The following TMTC2 variants were observed in gnomAD, a reference collection of about 807,000 sequenced individuals.
TMTC2 encodes the protein protein O-mannosyl-transferase TMTC2.
TMTC2 carries 43 observed loss-of-function variants against 82.4 expected under a neutral mutation model. The observed-to-expected ratio is 0.52, with a 90% CI of 0.41 to 0.67. The LOEUF (loss-of-function observed/expected upper bound fraction) is 0.67. Among genes scored for constraint, TMTC2 ranks in the 30% least tolerant of loss-of-function variants. The pLI, the probability that TMTC2 is intolerant of heterozygous loss-of-function variation, is 0.00. For missense variants in TMTC2, 919 were observed against 1,012.4 expected (o/e 0.91, Z 1.25); for synonymous variants, 408 against 381.9 (o/e 1.07, Z -0.80).
intron 3 of TMTC2, among the ~76,000 whole-genome samples, chr12:82,913,573 C>T (rs1240956162): frequency 6.6e-6 from 1 of 152,116 alleles, no homozygotes; most frequent in East Asian, 1.9e-4. Context: ...TAAGACCACA[C>T]ATCTAGTCAT....
intron 1 of TMTC2, among the ~76,000 whole-genome samples, chr12:82,855,535 G>A (rs1007547278): frequency 1.3e-5 from 2 of 152,108 alleles, no homozygotes; most frequent in African/African-American, 4.8e-5. Context: ...CTAGGCAAGA[G>A]TTTTATAGTT....
At chr12:82,975,656 T>C (rs997595837) in intron 7 of TMTC2, among the ~76,000 whole-genome samples, 4 of 152,162 alleles carry the variant, frequency 2.6e-5, no homozygotes, top group Non-Finnish European at 5.9e-5. Context: ...ATTCATTGCC[T>C]ATTATGGAGA....
At chr12:82,967,506 G>A (rs573023967) in intron 7 of TMTC2, among the ~76,000 whole-genome samples, 1 of 152,152 alleles carries the variant, frequency 6.6e-6, no homozygotes, top group African/African-American at 2.4e-5. Context: ...CAGAAAGTAT[G>A]TAAGTCTAGG....
At chr12:82,927,554 G>A (rs183640563) in intron 3 of TMTC2, among the ~76,000 whole-genome samples, 5 of 152,276 alleles carry the variant, frequency 3.3e-5, no homozygotes, top group Admixed American at 3.3e-4. Flanking sequence ...GGGTTTGAAA[G>A]GATTGAGACT....
rs1885384704 is a variant in TMTC2, at chr12:83,134,822, A to G, written c.*2433A>G. The stretch of plus-strand genomic sequence containing the variant: ...TGTAGAAATAATTGTTTTATGTGCC[A>G]GAGAATTTCAATTTTGTTTTCAACA... On this transcript the variant is annotated 3_prime_UTR_variant, in exon 12 of 12. Coordinates refer to ENST00000321196, the MANE Select transcript of TMTC2 (RefSeq NM_152588.3). The G allele has an allele frequency of 2.0e-5, 3 of 152,328 alleles. No individual in the cohort carries two copies. The highest frequency in any genetic ancestry group is 7.2e-5 in the African/African-American group (3 of 41,588). The allele number at this position is 152,328 out of a possible 1,614,324, so 9.4% of individuals were successfully genotyped here.
At chr12:83,034,287 T>TA (rs1257371843) in intron 9 of TMTC2, among the ~76,000 whole-genome samples, 7 of 152,108 alleles carry the variant, frequency 4.6e-5, no homozygotes, top group Non-Finnish European at 7.3e-5. Context: ...TTAATCCAAC[T>TA]ATTAAAGGGC....
intron 11 of TMTC2, among the ~76,000 whole-genome samples, chr12:83,120,227 GT>G (rs1884905479): frequency 6.6e-6 from 1 of 152,074 alleles, no homozygotes; most frequent in Admixed American, 6.6e-5. Flanking sequence ...TGTTTAACTT[GT>G]ATTTTTGTTT....
chr12:82,933,190 T>G (rs1160566343), intron 4 of TMTC2, among the ~76,000 whole-genome samples: 1 of 152,188 alleles, frequency 6.6e-6, no homozygotes, highest in East Asian at 1.9e-4. Flanking sequence ...CCACAAGAAA[T>G]ATTGGCAATG....
rs567532594 is a variant in TMTC2 at position 82,921,855 on chromosome 12, T to C, written c.1484-8576T>C. Among the ~76,000 whole-genome samples, 11 of 152,028 alleles carry C rather than the reference T, an allele frequency of 7.2e-5. No homozygotes were observed. The South Asian group carries it at 2.3e-3, about 32-fold the overall frequency. On this transcript the variant is annotated intron_variant, in intron 3 of 11. Transcript: ENST00000321196. ...ACTCATTCCTGTAATCCCAGCACTT[T>C]GCAAGATCAAGGTGGGAGGATCGCT... is the stretch of plus-strand genomic sequence containing the variant.
Position 83,128,407 on chromosome 12 carries a change from TA to T in TMTC2, c.2332-3792del, listed in dbSNP as rs748054194. 1.6e-3 allele frequency among the ~76,000 whole-genome samples: 229 copies of T among 146,278 alleles called. 1 individual carries two copies. The highest frequency in any genetic ancestry group is 4.3e-3 in the African/African-American group (171 of 40,076). ...CATTTAGTCATTTATGGCTTCTGCT[TA>T]AAAAAAAAAAGATTATTTGAACATT... On this transcript the variant is annotated intron_variant, in intron 11 of 11. Coordinates refer to ENST00000321196, the MANE Select transcript of TMTC2 (RefSeq NM_152588.3).
chr12:82,730,717 A>T (rs1018079698), intron 1 of TMTC2, among the ~76,000 whole-genome samples: 17 of 152,216 alleles, frequency 1.1e-4, no homozygotes, highest in African/African-American at 4.1e-4. Flanking sequence ...AATAGGTTTG[A>T]TGGAGCCATC....
intron 9 of TMTC2, among the ~76,000 whole-genome samples, chr12:83,034,778 G>C (rs1164961309): frequency 6.6e-6 from 1 of 152,086 alleles, no homozygotes; most frequent in Non-Finnish European, 1.5e-5. Context: ...AATGTATATT[G>C]AGCTCAGTTA....
At chr12:82,867,941 G>A (rs1270376115) in intron 2 of TMTC2, among the ~76,000 whole-genome samples, 1 of 152,108 alleles carries the variant, frequency 6.6e-6, no homozygotes, top group East Asian at 1.9e-4. Context: ...AAGTCTATCG[G>A]GGAAAGGCCA....
chr12:83,014,273 C>T (rs1880578542), intron 8 of TMTC2, among the ~76,000 whole-genome samples: 1 of 152,176 alleles, frequency 6.6e-6, no homozygotes, highest in African/African-American at 2.4e-5. Flanking sequence ...AGTGATTCTC[C>T]CACTCCAGCC....
intron 8 of TMTC2, among the ~76,000 whole-genome samples, chr12:83,002,575 T>C (rs1049405693): frequency 6.6e-6 from 1 of 152,158 alleles, no homozygotes; most frequent in African/African-American, 2.4e-5. Flanking sequence ...TTAACATTGC[T>C]TTTTCATCCC....
rs138702493 is a variant in TMTC2 at position 83,081,717 on chromosome 12, A to C, written c.2331+19886A>C. Among the ~76,000 whole-genome samples the C allele has an allele frequency of 6.5e-3, 989 of 152,270 alleles. 3 individuals carry two copies. Among genetic ancestry groups the C allele is most frequent in the Non-Finnish European group, 0.011 (759 of 68,020 alleles). Reference sequence around the variant, plus strand: ...CATTCACCTTTAAGAAAATTTCCTGAGAAGGAAAAAAATAATCTACTTAGA... The same window carrying C: ...CATTCACCTTTAAGAAAATTTCCTGCGAAGGAAAAAAATAATCTACTTAGA... On this transcript the variant is annotated intron_variant, in intron 11 of 11. Transcript: ENST00000321196.
At chr12:83,084,224 T>G (rs1022675795) in intron 11 of TMTC2, among the ~76,000 whole-genome samples, 7 of 152,210 alleles carry the variant, frequency 4.6e-5, no homozygotes, top group African/African-American at 1.7e-4. Context: ...ATGGAATACA[T>G]GGATACAAAT....
rs150889890 is a variant in TMTC2, at chr12:82,741,564, C to A, written c.83+53895C>A. On this transcript the variant is annotated intron_variant, in intron 1 of 11. Transcript: ENST00000321196. ...GACCTCATGATCAGCCCACCTTAGC[C>A]TCCCAAAGTGCTGGGATTACAGGCG... is the stretch of plus-strand genomic sequence containing the variant. Among the ~76,000 whole-genome samples the A allele has an allele frequency of 7.4e-3, 1,124 of 152,318 alleles. 9 individuals carry two copies. Among genetic ancestry groups the A allele is most frequent in the Non-Finnish European group, 0.013 (864 of 68,036 alleles).
intron 8 of TMTC2, among the ~76,000 whole-genome samples, chr12:82,994,740 T>TA (rs1879542590): frequency 6.6e-6 from 1 of 152,162 alleles, no homozygotes; most frequent in Non-Finnish European, 1.5e-5. Flanking sequence ...GTACAAAGAC[T>TA]AACAGCATTC....
Sources: allele counts gnomAD v4.1 joint callset (sites outside exome capture counted in the v4.1 genomes callset), GRCh38; gene constraint gnomAD v4.1.1; transcripts MANE v1.5; gene names NCBI Gene and HGNC (gene_info 2026-07-23, HGNC 2026-07-21).